The following NEK11 variants were observed in gnomAD, a reference collection of about 807,000 sequenced individuals.
The protein encoded by NEK11 is NIMA related kinase 11, also known as serine/threonine-protein kinase Nek11.
NEK11 carries 72 observed loss-of-function variants against 80.7 expected under a neutral mutation model. The ratio of observed to expected loss-of-function variants is 0.89; its 90% confidence interval spans 0.74 to 1.08. NEK11 has a LOEUF of 1.08. Among genes scored for constraint, NEK11 ranks in the 50% least tolerant of loss-of-function variants. The probability of loss-of-function intolerance (pLI) is 0.00; values close to 1 mark genes in which losing one functional copy is unlikely to be tolerated. For missense variants in NEK11, 764 were observed against 763.6 expected (o/e 1.00, Z -0.01); for synonymous variants, 251 against 260.7 (o/e 0.96, Z 0.36).
chr3:131,100,932 T>A (rs941600716), intron 4 of NEK11, among the ~76,000 whole-genome samples: 5 of 152,176 alleles, frequency 3.3e-5, no homozygotes, highest in Admixed American at 6.5e-5. Context: ...TATTGGTCTA[T>A]TCAGAGTTTT....
intron 5 of NEK11, 133 bp downstream of exon 5, chr3:131,110,054 A>T (rs997281627): frequency 4.9e-5 from 43 of 869,478 alleles, no homozygotes; most frequent in Non-Finnish European, 5.7e-5. Flanking sequence ...AACATCTATA[A>T]TATGTTTTTC....
At chr3:131,347,771 T>C (rs1232705255) in intron 17 of NEK11, among the ~76,000 whole-genome samples, 1 of 152,102 alleles carries the variant, frequency 6.6e-6, no homozygotes, top group African/African-American at 2.4e-5. Flanking sequence ...AAATCCCATC[T>C]CTACCAATAT....
chr3:131,252,264 G>C (rs1376685937), intron 16 of NEK11, among the ~76,000 whole-genome samples: 1 of 151,976 alleles, frequency 6.6e-6, no homozygotes. Context: ...TATCTGCCTA[G>C]GCACTTTGGT....
intron 5 of NEK11, among the ~76,000 whole-genome samples, chr3:131,128,298 T>C (rs2083728171): frequency 6.6e-6 from 1 of 152,226 alleles, no homozygotes; most frequent in African/African-American, 2.4e-5. Context: ...AAAAATTCTC[T>C]GTGCTCTCCT....
At position 131,162,442 on chromosome 3, in the gene NEK11, C is replaced by T. The variant is rs756991196; in HGVS notation, c.997C>T (p.Leu333=). Reference sequence around the variant, plus strand: ...GATCCACCTGCAGACTCTGAGGGCACTGTCAGAAGTACAGAAAATGACGCC... The same window carrying T: ...GATCCACCTGCAGACTCTGAGGGCATTGTCAGAAGTACAGAAAATGACGCC... ...KRIHLQTLRA[L]SEVQKMTPRE... Residue 333 remains leucine, a synonymous_variant, in exon 11 of 18, where the codon CTG becomes TTG. Coordinates refer to ENST00000383366, the MANE Select transcript of NEK11 (RefSeq NM_024800.5). 3 of 1,614,066 alleles carry T rather than the reference C, an allele frequency of 1.9e-6. No homozygotes were observed. The highest frequency in any genetic ancestry group is 1.7e-5 in the Admixed American group (1 of 60,012).
intron 7 of NEK11, 28 bp downstream of exon 7, chr3:131,133,984 C>T (rs770392054): frequency 6.4e-7 from 1 of 1,551,168 alleles, no homozygotes; most frequent in South Asian, 1.3e-5. Flanking sequence ...CTAGACTCTT[C>T]ATCTGCTTCC....
At chr3:131,255,305 A>C (rs1405816327) in intron 16 of NEK11, among the ~76,000 whole-genome samples, 1 of 152,184 alleles carries the variant, frequency 6.6e-6, no homozygotes, top group African/African-American at 2.4e-5. Flanking sequence ...GATCCTAAAC[A>C]GTTACTGTAG....
chr3:131,099,510 G>C (rs1278989146), intron 4 of NEK11, among the ~76,000 whole-genome samples: 1 of 151,878 alleles, frequency 6.6e-6, no homozygotes, highest in Non-Finnish European at 1.5e-5. Flanking sequence ...GAAGAATGAT[G>C]CTGGTAGTTT....
At chr3:131,037,671 T>G (rs2065855935) in intron 3 of NEK11, among the ~76,000 whole-genome samples, 1 of 152,250 alleles carries the variant, frequency 6.6e-6, no homozygotes, top group Non-Finnish European at 1.5e-5. Context: ...ATTTCTGCCA[T>G]TTAATAGCTG....
chr3:131,286,921 A>C (rs2096479418), intron 17 of NEK11, among the ~76,000 whole-genome samples: 1 of 152,224 alleles, frequency 6.6e-6, no homozygotes, highest in Non-Finnish European at 1.5e-5. Flanking sequence ...GGGCACATGC[A>C]GGTAAGTCAC....
chr3:131,045,124 T>C (rs774743210), intron 3 of NEK11, among the ~76,000 whole-genome samples: 1 of 152,210 alleles, frequency 6.6e-6, no homozygotes, highest in Admixed American at 6.5e-5. Flanking sequence ...GGGCAGTGTT[T>C]AGAGGGAAAT....
At chr3:131,074,347 A>G (rs1433568926) in intron 3 of NEK11, among the ~76,000 whole-genome samples, 1 of 152,122 alleles carries the variant, frequency 6.6e-6, no homozygotes, top group East Asian at 1.9e-4. Context: ...GAAAGAAAAC[A>G]AGGAGGGAAG....
At chr3:131,262,140 A>G (rs1389318627) in intron 16 of NEK11, among the ~76,000 whole-genome samples, 1 of 152,216 alleles carries the variant, frequency 6.6e-6, no homozygotes, top group Non-Finnish European at 1.5e-5. Flanking sequence ...GTAAAGGTAT[A>G]CTACGAACAA....
chr3:131,255,032 A>AG (rs2095781111), intron 16 of NEK11, among the ~76,000 whole-genome samples: 1 of 130,190 alleles, frequency 7.7e-6, no homozygotes, highest in Non-Finnish European at 1.6e-5. Flanking sequence ...GAAAGAAAGA[A>AG]AGAGAGAGAG....
At chr3:131,144,735 C>A (rs985479701) in intron 7 of NEK11, among the ~76,000 whole-genome samples, 3 of 152,208 alleles carry the variant, frequency 2.0e-5, no homozygotes, top group Non-Finnish European at 4.4e-5. Context: ...TTACTGGCGC[C>A]CATTCCAGGT....
At chr3:131,188,487 T>C (rs1324740206) in intron 14 of NEK11, among the ~76,000 whole-genome samples, 1 of 152,170 alleles carries the variant, frequency 6.6e-6, no homozygotes, top group African/African-American at 2.4e-5. Context: ...TCTTCAAATT[T>C]ACCTGTTTTC....
At chr3:131,253,356 A>G (rs1034425478) in intron 16 of NEK11, among the ~76,000 whole-genome samples, 1 of 152,140 alleles carries the variant, frequency 6.6e-6, no homozygotes, top group Admixed American at 6.6e-5. Context: ...TGAACAGGAT[A>G]TTAAGTGATT....
chr3:131,100,504 A>T (rs1422996007), intron 4 of NEK11, among the ~76,000 whole-genome samples: 1 of 152,230 alleles, frequency 6.6e-6, no homozygotes, highest in East Asian at 1.9e-4. Flanking sequence ...TGGGAGGCCA[A>T]GGTTGCAATG....
chr3:131,117,384 T>C (rs2081444330), intron 5 of NEK11, among the ~76,000 whole-genome samples: 1 of 152,242 alleles, frequency 6.6e-6, no homozygotes, highest in African/African-American at 2.4e-5. Flanking sequence ...TGTAGCCTTG[T>C]AGTATAGTTT....
Sources: allele counts gnomAD v4.1 joint callset (sites outside exome capture counted in the v4.1 genomes callset), GRCh38; gene constraint gnomAD v4.1.1; transcripts MANE v1.5; gene names NCBI Gene and HGNC (gene_info 2026-07-23, HGNC 2026-07-21).